Variants in NRXN3 observed in about 807,000 individuals in gnomAD.
NRXN3 encodes the protein neurexin 3.
Under a neutral mutation model 137.6 loss-of-function variants are expected in NRXN3, and 32 were observed. The observed-to-expected ratio is 0.23, with a 90% CI of 0.18 to 0.31. NRXN3 has a LOEUF of 0.31. Among genes scored for constraint, NRXN3 ranks in the 10% least tolerant of loss-of-function variants. NRXN3 has a pLI of 1.00. For synonymous variants in NRXN3, 798 were observed against 784.5 expected, an observed-to-expected ratio of 1.02 and a Z score of -0.29; for missense variants, 1,574 against 2,062.5, an observed-to-expected ratio of 0.76 and a Z score of 4.59.
intron 16 of NRXN3, among the ~76,000 whole-genome samples, chr14:79,521,918 C>T (rs915987892): frequency 2.0e-5 from 3 of 152,104 alleles, no homozygotes; most frequent in Non-Finnish European, 4.4e-5. Context: ...CATTTGTAAA[C>T]TATCATTGAG....
At chr14:78,572,981 A>G (rs1409148636) in intron 4 of NRXN3, among the ~76,000 whole-genome samples, 1 of 152,208 alleles carries the variant, frequency 6.6e-6, no homozygotes. Context: ...CTAGGTGGAG[A>G]CAATTAAAAA....
chr14:79,304,386 T>A (rs1353906844), intron 15 of NRXN3, among the ~76,000 whole-genome samples: 1 of 152,052 alleles, frequency 6.6e-6, no homozygotes, highest in Non-Finnish European at 1.5e-5. Flanking sequence ...GATCCCTGTA[T>A]GTTAGTGAGC....
intron 10 of NRXN3, among the ~76,000 whole-genome samples, chr14:78,893,317 C>G (rs551689707): frequency 1.3e-5 from 2 of 152,106 alleles, no homozygotes; most frequent in Non-Finnish European, 2.9e-5. Context: ...CTCCTCTTTT[C>G]TCTTTCATTG....
chr14:79,619,382 A>G (rs919349693), intron 16 of NRXN3, among the ~76,000 whole-genome samples: 13 of 152,056 alleles, frequency 8.5e-5, no homozygotes, highest in Non-Finnish European at 1.6e-4. Context: ...ATATTTGTAT[A>G]TGGTGAGAGG....
chr14:78,795,797 A>G (rs909446310), intron 8 of NRXN3, among the ~76,000 whole-genome samples: 2 of 152,236 alleles, frequency 1.3e-5, no homozygotes, highest in African/African-American at 4.8e-5. Context: ...ACATACACAC[A>G]CAAAAGAAGC....
At chr14:79,794,799 T>TA (rs533553366) in intron 19 of NRXN3, among the ~76,000 whole-genome samples, 82 of 152,312 alleles carry the variant, frequency 5.4e-4, no homozygotes, top group African/African-American at 1.9e-3. Flanking sequence ...CTCCTATATG[T>TA]AAGTGAATCC....
At chr14:79,532,574 C>T (rs536940988) in intron 16 of NRXN3, among the ~76,000 whole-genome samples, 18 of 152,204 alleles carry the variant, frequency 1.2e-4, no homozygotes, top group African/African-American at 2.2e-4. Flanking sequence ...TCAGTTGTTA[C>T]GACGGCTTAC....
chr14:78,715,931 C>T (rs1396118020), intron 8 of NRXN3, among the ~76,000 whole-genome samples: 3 of 152,116 alleles, frequency 2.0e-5, no homozygotes, highest in African/African-American at 7.2e-5. Flanking sequence ...ACCTAACATA[C>T]CATACAGGTT....
chr14:79,243,888 A>G (rs941181962), intron 15 of NRXN3, among the ~76,000 whole-genome samples: 5 of 152,136 alleles, frequency 3.3e-5, no homozygotes. Context: ...TAAAATTTCC[A>G]AGTGACAAAA....
intron 15 of NRXN3, among the ~76,000 whole-genome samples, chr14:79,111,135 AG>A (rs1386818473): frequency 1.3e-5 from 2 of 152,114 alleles, no homozygotes; most frequent in Non-Finnish European, 2.9e-5. Flanking sequence ...AGAATGGAGA[AG>A]GGAAAAAGGA....
intron 1 of NRXN3, among the ~76,000 whole-genome samples, chr14:78,189,953 C>T (rs775598201): frequency 5.3e-5 from 8 of 152,188 alleles, no homozygotes; most frequent in Admixed American, 1.3e-4. Context: ...TACCGTACTT[C>T]GTATTCATAG....
intron 16 of NRXN3, among the ~76,000 whole-genome samples, chr14:79,627,214 GC>G (rs769067561): frequency 2.0e-5 from 3 of 152,120 alleles, no homozygotes; most frequent in Non-Finnish European, 4.4e-5. Context: ...AGTGTTTATG[GC>G]AGTTCTGGCA....
intron 10 of NRXN3, among the ~76,000 whole-genome samples, chr14:78,886,277 A>C (rs1274187858): frequency 6.6e-6 from 1 of 152,128 alleles, no homozygotes; most frequent in African/African-American, 2.4e-5. Flanking sequence ...GTAAAGAAGC[A>C]ATCAAATAAA....
chr14:79,089,298 G>A (rs578228283), intron 15 of NRXN3, among the ~76,000 whole-genome samples: 73 of 152,206 alleles, frequency 4.8e-4, no homozygotes, highest in African/African-American at 1.7e-3. Flanking sequence ...GGAAAAAACT[G>A]CTTTGAGCTC....
chr14:79,313,897 CA>C (rs1405466100), intron 15 of NRXN3, among the ~76,000 whole-genome samples: 1 of 133,380 alleles, frequency 7.5e-6, no homozygotes, highest in Non-Finnish European at 1.6e-5. Context: ...TCCCGTAGCT[CA>C]GAGTAATTTG....
intron 15 of NRXN3, among the ~76,000 whole-genome samples, chr14:79,030,806 T>G (rs1489040983): frequency 6.6e-6 from 1 of 152,048 alleles, no homozygotes; most frequent in Non-Finnish European, 1.5e-5. Flanking sequence ...CAATTTCATT[T>G]TATGGTTTAG....
intron 1 of NRXN3, among the ~76,000 whole-genome samples, chr14:78,179,102 C>T (rs1355410695): frequency 3.3e-5 from 5 of 152,046 alleles, no homozygotes; most frequent in Admixed American, 1.3e-4. Flanking sequence ...CTGGTGGAGG[C>T]GGGATGTTCA....
intron 16 of NRXN3, among the ~76,000 whole-genome samples, chr14:79,528,931 G>A (rs553733356): frequency 6.6e-6 from 1 of 152,236 alleles, no homozygotes; most frequent in South Asian, 2.1e-4. Flanking sequence ...ATCACATCCT[G>A]AACAAGTTAA....
At chr14:79,654,259 T>C (rs1373922724) in intron 16 of NRXN3, among the ~76,000 whole-genome samples, 2 of 152,100 alleles carry the variant, frequency 1.3e-5, no homozygotes, top group Non-Finnish European at 2.9e-5. Context: ...TGACCACTTG[T>C]ACATCAACTA....
Sources: allele counts gnomAD v4.1 joint callset (sites outside exome capture counted in the v4.1 genomes callset), GRCh38; gene constraint gnomAD v4.1.1; transcripts MANE v1.5; gene names NCBI Gene and HGNC (gene_info 2026-07-23, HGNC 2026-07-21).